Variants in VWA3B observed in about 807,000 individuals in gnomAD.
VWA3B encodes von Willebrand factor A domain containing 3B, also known as von Willebrand factor A domain-containing protein 3B.
A neutral mutation model predicts 158.3 loss-of-function variants in VWA3B; 138 were observed. The ratio of observed to expected loss-of-function variants is 0.87; its 90% CI spans 0.76 to 1.00. VWA3B has a LOEUF of 1.00. Among genes scored for constraint, VWA3B ranks in the 50% least tolerant of loss-of-function variants. The probability of loss-of-function intolerance (pLI) is 0.00; values close to 1 mark genes in which losing one functional copy is unlikely to be tolerated. For missense variants in VWA3B, 1,555 were observed against 1,565.1 expected (o/e 0.99, Z 0.11); for synonymous variants, 596 against 587.3 (o/e 1.01, Z -0.21).
At chr2:98,250,917 T>A (rs1259778705) in intron 20 of VWA3B, among the ~76,000 whole-genome samples, 9 of 151,840 alleles carry the variant, frequency 5.9e-5, no homozygotes, top group Admixed American at 1.3e-4. Flanking sequence ...AAAATAAAAA[T>A]AAAATTCTGT....
At chr2:98,180,316 C>G (rs1366372959) in intron 8 of VWA3B, among the ~76,000 whole-genome samples, 1 of 152,164 alleles carries the variant, frequency 6.6e-6, no homozygotes, top group African/African-American at 2.4e-5. Context: ...CTCAGCCTCC[C>G]AAGTAGTTGG....
At chr2:98,177,801 G>C (rs1680137937) in intron 8 of VWA3B, among the ~76,000 whole-genome samples, 1 of 152,104 alleles carries the variant, frequency 6.6e-6, no homozygotes, top group Non-Finnish European at 1.5e-5. Context: ...GCGAGGATTG[G>C]TTCGAATGTG....
chr2:98,290,906 T>G (rs1041346825), intron 23 of VWA3B: 2 of 324,612 alleles, frequency 6.2e-6, no homozygotes, highest in Non-Finnish European at 1.1e-5. Context: ...TATGTAATAT[T>G]TTGAAAGTAC....
intron 7 of VWA3B, among the ~76,000 whole-genome samples, chr2:98,162,049 A>C (rs1477987577): frequency 6.6e-6 from 1 of 152,106 alleles, no homozygotes; most frequent in Non-Finnish European, 1.5e-5. Context: ...ATAGTAACAT[A>C]GTACCACAGC....
chr2:98,263,595 T>C (rs1159304322), intron 21 of VWA3B, among the ~76,000 whole-genome samples: 2 of 151,984 alleles, frequency 1.3e-5, no homozygotes, highest in South Asian at 2.1e-4. Context: ...AGCCCATTTT[T>C]TTCATGGTGA....
chr2:98,135,074 A>C (rs1019538204), intron 7 of VWA3B, among the ~76,000 whole-genome samples: 3 of 152,326 alleles, frequency 2.0e-5, no homozygotes, highest in Non-Finnish European at 4.4e-5. Context: ...AATTCAGGAT[A>C]TATGTCATGC....
chr2:98,244,497 A>G (rs981092706), intron 19 of VWA3B, among the ~76,000 whole-genome samples: 11 of 152,170 alleles, frequency 7.2e-5, no homozygotes, highest in African/African-American at 2.7e-4. Context: ...GCACAGTTAC[A>G]TTTCATCCCA....
chr2:98,220,203 A>G (rs537487463), intron 14 of VWA3B, among the ~76,000 whole-genome samples: 33 of 151,926 alleles, frequency 2.2e-4, no homozygotes, highest in Admixed American at 1.3e-3. Flanking sequence ...GAAAAAACTA[A>G]AAGAATTCAT....
intron 14 of VWA3B, among the ~76,000 whole-genome samples, chr2:98,226,691 C>A (rs1684936991): frequency 6.6e-6 from 1 of 150,708 alleles, no homozygotes; most frequent in South Asian, 2.1e-4. Context: ...GTCTTAGTAT[C>A]TAGAATATAT....
intron 12 of VWA3B, among the ~76,000 whole-genome samples, chr2:98,208,914 T>G (rs1403838615): frequency 1.3e-5 from 2 of 152,238 alleles, no homozygotes; most frequent in Non-Finnish European, 2.9e-5. Flanking sequence ...TGAATGCTTC[T>G]TTAAGGGTAG....
chr2:98,292,228 ACT>A (rs2105953893), intron 23 of VWA3B: 1 of 152,180 alleles, frequency 6.6e-6, no homozygotes, highest in South Asian at 2.1e-4. Flanking sequence ...GCAAAGTGAG[ACT>A]CTGTCTCATA....
At chr2:98,115,162 G>A (rs1674429322) in intron 2 of VWA3B, among the ~76,000 whole-genome samples, 1 of 150,700 alleles carries the variant, frequency 6.6e-6, no homozygotes, top group Non-Finnish European at 1.5e-5. Flanking sequence ...AAGGAAACTA[G>A]GACACAAATT....
At position 98,300,175 on chromosome 2, in the gene VWA3B, A is replaced by G. The variant is rs531077849; in HGVS notation, c.3379A>G (p.Thr1127Ala). 4.8e-5 allele frequency: 78 copies of G among 1,614,284 alleles called. No individual in the cohort carries two copies. The East Asian group carries it at 1.7e-3, about 35-fold the overall frequency. The change falls in exon 25 of 28, where the codon ACA becomes GCA. Residue 1127 changes from threonine (T) to alanine (A), a missense_variant. Transcript: ENST00000477737. ...VIALPNKHVA[T>A]EKFYTVLKCN... ...AGCACTTCCCAATAAGCATGTGGCC[A>G]CAGAAAAATTCTACACAGTTTTGAA...
intron 26 of VWA3B, among the ~76,000 whole-genome samples, chr2:98,308,357 G>A (rs532196996): frequency 6.6e-6 from 1 of 152,316 alleles, no homozygotes; most frequent in East Asian, 1.9e-4. Context: ...TTCCGTTCAG[G>A]AGTGTCCCTG....
chr2:98,207,599 A>G, intron 12 of VWA3B: 1 of 503,346 alleles, frequency 2.0e-6, no homozygotes, highest in Admixed American at 2.1e-5. Context: ...GTACTCCTGA[A>G]GGAGACCATT....
chr2:98,255,142 TA>T (rs1176618953), intron 20 of VWA3B, among the ~76,000 whole-genome samples: 1 of 148,320 alleles, frequency 6.7e-6, no homozygotes, highest in Non-Finnish European at 1.5e-5. Flanking sequence ...GCCTCCTGAG[TA>T]GCTGGGAGTA....
intron 14 of VWA3B, among the ~76,000 whole-genome samples, chr2:98,223,476 A>T (rs1045097767): frequency 9.2e-5 from 14 of 152,214 alleles, no homozygotes; most frequent in Admixed American, 2.0e-4. Flanking sequence ...ATATACAAAT[A>T]TACAGATTCA....
At chr2:98,212,444 A>G (rs1683607046) in intron 13 of VWA3B, among the ~76,000 whole-genome samples, 1 of 152,208 alleles carries the variant, frequency 6.6e-6, no homozygotes, top group Non-Finnish European at 1.5e-5. Flanking sequence ...GTACTCATTT[A>G]AACAAAAACA....
intron 7 of VWA3B, among the ~76,000 whole-genome samples, chr2:98,149,338 A>C (rs1677428522): frequency 6.6e-6 from 1 of 152,246 alleles, no homozygotes; most frequent in Admixed American, 6.5e-5. Flanking sequence ...CAACAAAAGC[A>C]GGGATTTATT....
Sources: gnomAD v4.1 joint callset for allele counts (sites outside exome capture counted in the v4.1 genomes callset) on GRCh38, gnomAD v4.1.1 for gene constraint, MANE v1.5 for transcripts, NCBI Gene and HGNC (gene_info 2026-07-23, HGNC 2026-07-21) for gene names.